The following KIF26B variants were observed in gnomAD, a reference collection of about 807,000 sequenced individuals.
KIF26B encodes kinesin-like protein KIF26B.
KIF26B carries 63 observed loss-of-function variants against 151.2 expected under a neutral mutation model. That is an observed-to-expected ratio of 0.42 (90% CI 0.34 to 0.51). KIF26B has a LOEUF of 0.51. Ranked by LOEUF, KIF26B falls within the 20% of genes least tolerant of loss-of-function variation. KIF26B has a pLI of 0.07. For synonymous variants in KIF26B, 1,357 were observed against 1,262.1 expected (o/e 1.08, Z -1.59); for missense variants, 2,813 against 2,913.6 (o/e 0.97, Z 0.79).
chr1:245,445,442 G>T (rs946416175), intron 4 of KIF26B, among the ~76,000 whole-genome samples: 3 of 152,182 alleles, frequency 2.0e-5, no homozygotes, highest in African/African-American at 7.2e-5. Flanking sequence ...TGGGACTTTT[G>T]TCACAGTAAT....
chr1:245,239,064 G>A lies in KIF26B; in HGVS notation c.465+82381G>A, dbSNP rs1407215878. ...TCGTTTTCCACCATCTACTGCAAGA[G>A]TTGTATTTTCTGCCTCACGTCGCTG... On this transcript the variant is annotated intron_variant, in intron 2 of 14. Transcript: ENST00000407071. The surrounding 1 kb of genome is among the most constrained non-coding windows in gnomAD (Gnocchi z 4.3). Among the ~76,000 whole-genome samples the A allele has an allele frequency of 2.0e-5, 3 of 152,300 alleles. No homozygotes were observed. Among genetic ancestry groups the A allele is most frequent in the East Asian group, 3.9e-4 (2 of 5,184 alleles).
chr1:245,632,960 T>C (rs865901639), intron 9 of KIF26B, among the ~76,000 whole-genome samples: 2 of 152,150 alleles, frequency 1.3e-5, no homozygotes, highest in Admixed American at 6.5e-5. Flanking sequence ...TATTACTGCA[T>C]TGGGGTCAAG....
chr1:245,231,059 A>C (rs1361864254), intron 2 of KIF26B, among the ~76,000 whole-genome samples: 8 of 152,126 alleles, frequency 5.3e-5, no homozygotes, highest in Non-Finnish European at 1.5e-5. Context: ...AAAAATTATA[A>C]GGGATATTGA....
At chr1:245,409,763 C>T (rs952774578) in intron 3 of KIF26B, among the ~76,000 whole-genome samples, 3 of 152,192 alleles carry the variant, frequency 2.0e-5, no homozygotes, top group Non-Finnish European at 4.4e-5. Context: ...ATCTGTCTGA[C>T]TCAAGGCCAG....
chr1:245,360,762 A>G (rs1672800402), intron 2 of KIF26B, among the ~76,000 whole-genome samples: 1 of 152,220 alleles, frequency 6.6e-6, no homozygotes, highest in Non-Finnish European at 1.5e-5. Context: ...CTGTAATCCC[A>G]GAACTTTGGG....
intron 9 of KIF26B, among the ~76,000 whole-genome samples, chr1:245,640,122 G>GCTCGCTCTCTCTTTCTGTCTCT (rs1553299289): frequency 1.9e-5 from 1 of 53,974 alleles, no homozygotes; most frequent in African/African-American, 7.5e-5. Flanking sequence ...ACTAATATTT[G>GCTCGCTCTCTCTTTCTGTCTCT]CTCTCTCTCT....
intron 10 of KIF26B, among the ~76,000 whole-genome samples, chr1:245,672,499 C>T (rs144994719): frequency 1.3e-5 from 2 of 152,360 alleles, no homozygotes; most frequent in Non-Finnish European, 2.9e-5. Flanking sequence ...GAGCTGGTTT[C>T]TGTCATCCCT....
At chr1:245,447,550 G>A (rs968571670) in intron 4 of KIF26B, among the ~76,000 whole-genome samples, 7 of 152,098 alleles carry the variant, frequency 4.6e-5, no homozygotes, top group Non-Finnish European at 7.4e-5. Flanking sequence ...AGGCCAGCAG[G>A]AACTTGTCCC....
At chr1:245,342,847 G>A (rs1672362591) in intron 2 of KIF26B, among the ~76,000 whole-genome samples, 1 of 152,160 alleles carries the variant, frequency 6.6e-6, no homozygotes, top group Admixed American at 6.5e-5. Context: ...AACACTTTGG[G>A]AGGCTAAGGT....
Position 245,646,200 on chromosome 1 carries a change from C to T in KIF26B, c.2178C>T (p.Gly726=). The stretch of plus-strand genomic sequence containing the variant: ...CTCTTAGCAAAAATCGAGAAGGAGG[C>T]TCAGGGCTGTGTCTCTCGCTGTCTG... ...VKALSKNREG[G]SGLCLSLSAL... The change falls in exon 10 of 15, where the codon GGC becomes GGT. Residue 726 remains glycine (G), a synonymous_variant. Transcript: ENST00000407071. 1.9e-6 allele frequency: 3 copies of T among 1,613,968 alleles called. No homozygotes were observed. Among genetic ancestry groups the T allele is most frequent in the Non-Finnish European group, 2.5e-6 (3 of 1,179,896 alleles).
intron 10 of KIF26B, chr1:245,676,491 T>TG (rs2044358582): frequency 6.6e-6 from 1 of 152,378 alleles, no homozygotes; most frequent in South Asian, 2.1e-4. Context: ...ATTTATAAAT[T>TG]GGAGTTACAT....
At chr1:245,369,836 C>A (rs1673067162) in intron 3 of KIF26B, among the ~76,000 whole-genome samples, 1 of 152,238 alleles carries the variant, frequency 6.6e-6, no homozygotes, top group East Asian at 1.9e-4. Flanking sequence ...AGGGGCCTCA[C>A]TGCCCCTAGA....
intron 2 of KIF26B, among the ~76,000 whole-genome samples, chr1:245,332,281 T>C (rs1672129701): frequency 6.6e-6 from 1 of 152,100 alleles, no homozygotes; most frequent in Admixed American, 6.5e-5. Context: ...TTTGAACTGT[T>C]GTAAATTCAT....
At position 245,707,820 on chromosome 1, in the gene KIF26B, A is replaced by G. The variant is rs147748242; in HGVS notation, c.*5214A>G. On this transcript the variant is annotated 3_prime_UTR_variant, in exon 15 of 15. Coordinates refer to ENST00000407071, the MANE Select transcript of KIF26B (RefSeq NM_018012.4). The stretch of plus-strand genomic sequence containing the variant: ...TGGAAATCCACGCCCACCGGCTTGC[A>G]CGGAAGAGGACTCAGCCTCTTCCTA... 8.8e-4 allele frequency: 134 copies of G among 152,360 alleles called. 2 individuals carry two copies. The highest frequency in any genetic ancestry group is 3.1e-3 in the African/African-American group (128 of 41,588). 9.4% of individuals were successfully genotyped at this position (152,360 alleles called of 1,614,324 possible). A position where few individuals can be genotyped will look rare whatever the true frequency, so the allele number is the denominator to read the frequency against.
At chr1:245,322,306 T>C (rs1671902990) in intron 2 of KIF26B, among the ~76,000 whole-genome samples, 1 of 152,070 alleles carries the variant, frequency 6.6e-6, no homozygotes, top group Non-Finnish European at 1.5e-5. Context: ...GGTTGATAGG[T>C]GCAGCAAACC....
intron 2 of KIF26B, among the ~76,000 whole-genome samples, chr1:245,181,432 T>G (rs539471892): frequency 1.3e-5 from 2 of 152,130 alleles, no homozygotes; most frequent in African/African-American, 4.8e-5. Context: ...TGCCAATGCC[T>G]CTTGATCTCA....
chr1:245,261,231 C>T (rs1191176295), intron 2 of KIF26B, among the ~76,000 whole-genome samples: 3 of 150,904 alleles, frequency 2.0e-5, no homozygotes, highest in South Asian at 4.2e-4. Flanking sequence ...CCGCAACCTC[C>T]GTCTCTCAGG....
chr1:245,514,838 C>A (rs1422434312), intron 4 of KIF26B, among the ~76,000 whole-genome samples: 2 of 152,178 alleles, frequency 1.3e-5, no homozygotes, highest in Non-Finnish European at 2.9e-5. Context: ...GCACGCGAAG[C>A]TTACCTCATT....
chr1:245,694,862 T>G (rs1241554174), intron 12 of KIF26B, among the ~76,000 whole-genome samples: 1 of 152,240 alleles, frequency 6.6e-6, no homozygotes, highest in African/African-American at 2.4e-5. Flanking sequence ...TTGAACATGC[T>G]GCACTTGTAC....
Sources: gnomAD v4.1 joint callset for allele counts (sites outside exome capture counted in the v4.1 genomes callset) on GRCh38, gnomAD v4.1.1 for gene constraint, Gnocchi (gnomAD v3.1) non-coding constraint, MANE v1.5 for transcripts, NCBI Gene and HGNC (gene_info 2026-07-23, HGNC 2026-07-21) for gene names.